Variants in JRK observed in about 807,000 individuals in gnomAD.
The protein encoded by JRK is Jrk helix-turn-helix protein, also known as jerky protein homolog.
For missense variants in JRK, 720 were observed against 509.2 expected (o/e 1.41, Z -3.98); for synonymous variants, 303 against 218.1 (o/e 1.39, Z -3.43).
Position 142,664,183 on chromosome 8 carries a change from C to T in JRK, c.*169G>A. 1.4e-6 allele frequency: 2 copies of T among 1,381,226 alleles called. No individual in the cohort carries two copies. Among genetic ancestry groups the T allele is most frequent in the Non-Finnish European group, 1.9e-6 (2 of 1,067,228 alleles). 85.6% of individuals were successfully genotyped at this position (1,381,226 alleles called of 1,614,324 possible). A position where few individuals can be genotyped will look rare whatever the true frequency, so the allele number is the denominator to read the frequency against. Reference sequence around the variant, plus strand: ...CCTGTATTGACAGGAACCTCGGGCACAGACCGTCCTGGGCACCCGAGCCAC... The same window carrying T: ...CCTGTATTGACAGGAACCTCGGGCATAGACCGTCCTGGGCACCCGAGCCAC... On this transcript the variant is annotated 3_prime_UTR_variant, in exon 2 of 2. Transcript: ENST00000612905.
In JRK at chr8:142,662,463, A is replaced by G. The variant is rs1030176503; in HGVS notation, c.*1889T>C. ...ACACGTGAGCCCAGAAATGGCACAA[A>G]GTACATGATGTGCAGAAGTTCCCCA... On this transcript the variant is annotated 3_prime_UTR_variant, in exon 2 of 2. Coordinates refer to ENST00000612905, the MANE Select transcript of JRK (RefSeq NM_003724.4). The G allele has an allele frequency of 1.2e-4, 114 of 927,612 alleles. 1 individual carries two copies. Among genetic ancestry groups the G allele is most frequent in the Non-Finnish European group, 3.0e-5 (24 of 797,870 alleles). 57.5% of individuals were successfully genotyped at this position (927,612 alleles called of 1,614,324 possible).
chr8:142,647,064 A>G, the JRK span, among the ~76,000 whole-genome samples: 1 of 152,192 alleles, frequency 6.6e-6, no homozygotes, highest in African/African-American at 2.4e-5. Context: ...GGGGAGATTA[A>G]AGATGCATGC....
In JRK at chr8:142,662,819, A is replaced by G; in HGVS notation, c.*1533T>C. 1.0e-6 allele frequency: 1 copy of G among 985,402 alleles called. No individual in the cohort carries two copies. The highest frequency in any genetic ancestry group is 1.2e-6 in the Non-Finnish European group (1 of 829,912). 61.0% of individuals were successfully genotyped at this position (985,402 alleles called of 1,614,324 possible). A position where few individuals can be genotyped will look rare whatever the true frequency, so the allele number is the denominator to read the frequency against. Reference sequence around the variant, plus strand: ...CTCGGCCAAATGATATGAATTTAAGAGAGGAAAAGAATTCAAGGGCAAAGC... The same window carrying G: ...CTCGGCCAAATGATATGAATTTAAGGGAGGAAAAGAATTCAAGGGCAAAGC... On this transcript the variant is annotated 3_prime_UTR_variant, in exon 2 of 2. Transcript: ENST00000612905.
intron 1 of JRK, among the ~76,000 whole-genome samples, chr8:142,667,432 G>GACACACACACACAC (rs59385009): frequency 3.6e-4 from 53 of 146,936 alleles, no homozygotes; most frequent in African/African-American, 1.2e-3. Flanking sequence ...CGGACACGGA[G>GACACACACACACAC]ACACACACAC....
chr8:142,669,314 GAGA>G (rs1847245880), intron 1 of JRK, among the ~76,000 whole-genome samples: 1 of 152,082 alleles, frequency 6.6e-6, no homozygotes, highest in Non-Finnish European at 1.5e-5. Flanking sequence ...GTATGGGACA[GAGA>G]AGGAGGGGAC....
At chr8:142,666,862 G>A (rs782104724) in intron 1 of JRK, among the ~76,000 whole-genome samples, 7 of 152,182 alleles carry the variant, frequency 4.6e-5, no homozygotes, top group African/African-American at 7.2e-5. Flanking sequence ...CAGGAAGTCC[G>A]ATGCTGGGCG....
chr8:142,647,953 T>A, the JRK span, among the ~76,000 whole-genome samples: 1 of 152,184 alleles, frequency 6.6e-6, no homozygotes. Flanking sequence ...TGGTCTCAGA[T>A]GAAAATGAGG....
At chr8:142,645,422 G>A in the JRK span, among the ~76,000 whole-genome samples, 1 of 152,160 alleles carries the variant, frequency 6.6e-6, no homozygotes, top group Non-Finnish European at 1.5e-5. Context: ...GCTCATGCCT[G>A]CAATCCTAGC....
chr8:142,665,011 G>T lies in JRK; in HGVS notation c.1048C>A (p.Leu350Met), dbSNP rs782385395. ...MRNFINPPVP[L>M]QGPHARYNMN... The stretch of plus-strand genomic sequence containing the variant: ...TTGTAGCGGGCGTGGGGGCCCTGCA[G>T]GGGGACCGGAGGGTTAATGAAGTTC... Residue 350 changes from leucine to methionine, a missense_variant, in exon 2 of 2, where the codon CTG (leucine) becomes ATG (methionine). By Grantham distance (15) the Leu-to-Met change is conservative (BLOSUM62 2). Transcript: ENST00000612905. The T allele has an allele frequency of 1.4e-6, 1 of 716,574 alleles. No homozygotes were observed. Among genetic ancestry groups the T allele is most frequent in the Non-Finnish European group, 2.6e-6 (1 of 384,234 alleles). 44.4% of individuals were successfully genotyped at this position (716,574 alleles called of 1,614,324 possible). A position where few individuals can be genotyped will look rare whatever the true frequency, so the allele number is the denominator to read the frequency against.
chr8:142,662,919 G>T lies in JRK; in HGVS notation c.*1433C>A, dbSNP rs11781073. The T allele has an allele frequency of 1.1e-6, 1 of 916,242 alleles. No homozygotes were observed. Among genetic ancestry groups the T allele is most frequent in the Non-Finnish European group, 1.3e-6 (1 of 766,878 alleles). The allele number at this position is 916,242 out of a possible 1,614,324, so 56.8% of individuals were successfully genotyped here. A position where few individuals can be genotyped will look rare whatever the true frequency, so the allele number is the denominator to read the frequency against. The stretch of plus-strand genomic sequence containing the variant: ...TCACACCTGTAATCCCAGCACTTTA[G>T]AAGGATGAGGAAGGAGGATCGCTTG... On this transcript the variant is annotated 3_prime_UTR_variant, in exon 2 of 2. Coordinates refer to ENST00000612905, the MANE Select transcript of JRK (RefSeq NM_003724.4).
chr8:142,658,899 A>C lies in JRK; in HGVS notation c.*5453T>G, dbSNP rs117839538. On this transcript the variant is annotated 3_prime_UTR_variant, in exon 2 of 2. Coordinates refer to ENST00000612905, the MANE Select transcript of JRK (RefSeq NM_003724.4). ...TCCAGGCAGCACTTAGGAATTGCCAACTCCTCTGGTGAGGTCACTACCACA... is the reference window on the plus strand; with the variant it reads ...TCCAGGCAGCACTTAGGAATTGCCACCTCCTCTGGTGAGGTCACTACCACA... 74,698 of 1,613,282 alleles carry C rather than the reference A, an allele frequency of 0.046. 1,973 individuals are homozygous for C. The highest frequency in any genetic ancestry group is 0.054 in the Non-Finnish European group (63,256 of 1,179,626).
chr8:142,669,712 G>A (rs1285431980), intron 1 of JRK, among the ~76,000 whole-genome samples: 2 of 150,950 alleles, frequency 1.3e-5, no homozygotes, highest in South Asian at 2.1e-4. Flanking sequence ...GGGAAGCACA[G>A]GGCTTCGGGT....
chr8:142,665,499 TCAG>T lies in JRK; in HGVS notation c.557_559del (p.Ala186del), dbSNP rs1225306626. 1 of 718,116 alleles carries T rather than the reference TCAG, an allele frequency of 1.4e-6. No individual in the cohort carries two copies. Among genetic ancestry groups the T allele is most frequent in the African/African-American group, 1.7e-5 (1 of 57,284 alleles). The allele number at this position is 718,116 out of a possible 1,614,324, so 44.5% of individuals were successfully genotyped here. The stretch of plus-strand genomic sequence containing the variant: ...GCACCGCCAGAAAAGGCCGGTCTCA[TCAG>T]CGTTGTAAACCTGCTCGGCGGACAG... On this transcript the variant is annotated inframe_deletion, in exon 2 of 2. Coordinates refer to ENST00000612905, the MANE Select transcript of JRK (RefSeq NM_003724.4).
intron 1 of JRK, among the ~76,000 whole-genome samples, chr8:142,667,426 C>CACGGAG (rs1176480155): frequency 1.7e-5 from 2 of 114,872 alleles, no homozygotes; most frequent in African/African-American, 6.3e-5. Flanking sequence ...CATGGACGGA[C>CACGGAG]ACGGAGACAC....
chr8:142,644,256 CA>C, the JRK span, among the ~76,000 whole-genome samples: 1 of 152,060 alleles, frequency 6.6e-6, no homozygotes. Context: ...CTGTGAATGA[CA>C]AAAGGTTTTA....
chr8:142,646,909 C>T, the JRK span, among the ~76,000 whole-genome samples: 9 of 152,076 alleles, frequency 5.9e-5, no homozygotes, highest in Non-Finnish European at 8.8e-5. Flanking sequence ...GACTTGCAAG[C>T]TCTTGATAAC....
rs1180163805 is a variant in JRK at position 142,660,707 on chromosome 8, A to G, written c.*3645T>C. 1.1e-5 allele frequency: 11 copies of G among 985,410 alleles called. No homozygotes were observed. Among genetic ancestry groups the G allele is most frequent in the Admixed American group, 6.1e-5 (1 of 16,262 alleles). 61.0% of individuals were successfully genotyped at this position (985,410 alleles called of 1,614,324 possible). ...AGAAGCCACCACACCCGGATCCCCA[A>G]TAAGCACATTTATGTGGGGCGTGAG... On this transcript the variant is annotated 3_prime_UTR_variant, in exon 2 of 2. Coordinates refer to ENST00000612905, the MANE Select transcript of JRK (RefSeq NM_003724.4).
chr8:142,669,715 C>A (rs1847264266), intron 1 of JRK, among the ~76,000 whole-genome samples: 1 of 150,900 alleles, frequency 6.6e-6, no homozygotes, highest in Non-Finnish European at 1.5e-5. Flanking sequence ...AAGCACAGGG[C>A]TTCGGGTTCC....
In JRK at chr8:142,658,925, T is replaced by C. The variant is rs1313282778; in HGVS notation, c.*5427A>G. ...CTCCTCTGGTGAGGTCACTACCACA[T>C]CCTCAAGGCCCACAGTCTCCTGAAA... On this transcript the variant is annotated 3_prime_UTR_variant, in exon 2 of 2. Transcript: ENST00000612905. The C allele has an allele frequency of 1.2e-6, 2 of 1,613,318 alleles. No homozygotes were observed. The highest frequency in any genetic ancestry group is 2.7e-5 in the African/African-American group (2 of 74,892).
Sources: gnomAD v4.1 joint callset for allele counts (sites outside exome capture counted in the v4.1 genomes callset) on GRCh38, gnomAD v4.1.1 for gene constraint, MANE v1.5 for transcripts, NCBI Gene and HGNC (gene_info 2026-07-23, HGNC 2026-07-21) for gene names.